GUCY1A2: variants seen among roughly 807,000 people sequenced by gnomAD.
GUCY1A2 encodes guanylate cyclase 1 soluble subunit alpha 2, also known as guanylate cyclase soluble subunit alpha-2.
In GUCY1A2, 27 loss-of-function variants were observed where a neutral mutation model predicts 63.5. The observed-to-expected ratio is 0.43, with a 90% CI of 0.31 to 0.59. GUCY1A2 has a LOEUF of 0.59. Ranked by LOEUF, GUCY1A2 falls within the 20% of genes least tolerant of loss-of-function variation. The pLI is 0.11. For missense variants in GUCY1A2, 768 were observed against 913.3 expected (o/e 0.84, Z 2.05); for synonymous variants, 364 against 343.5 (o/e 1.06, Z -0.66).
intron 4 of GUCY1A2, among the ~76,000 whole-genome samples, chr11:106,935,222 G>A (rs11211982): frequency 0.15 from 23,183 of 152,152 alleles, 2,122 homozygotes; most frequent in South Asian, 0.27. Context: ...GATACCTGGT[G>A]CTTTCATCTA....
chr11:106,726,072 T>C (rs1191098057), intron 6 of GUCY1A2, among the ~76,000 whole-genome samples: 2 of 152,174 alleles, frequency 1.3e-5, no homozygotes, highest in Admixed American at 6.5e-5. Context: ...ACTAAGTATA[T>C]TTTATTTATT....
intron 4 of GUCY1A2, among the ~76,000 whole-genome samples, chr11:106,884,288 T>C (rs1392924079): frequency 6.6e-6 from 1 of 152,110 alleles, no homozygotes; most frequent in Admixed American, 6.6e-5. Context: ...ACAAAGACAG[T>C]GGAATTCTCT....
chr11:106,890,275 A>G (rs1859955870), intron 4 of GUCY1A2, among the ~76,000 whole-genome samples: 1 of 152,178 alleles, frequency 6.6e-6, no homozygotes, highest in Non-Finnish European at 1.5e-5. Flanking sequence ...GTGCACTTGT[A>G]ATTGCATAAC....
intron 3 of GUCY1A2, among the ~76,000 whole-genome samples, chr11:106,960,373 G>GA (rs1861043494): frequency 6.6e-6 from 1 of 152,128 alleles, no homozygotes; most frequent in Non-Finnish European, 1.5e-5. Context: ...TAAGGAATTA[G>GA]AACAGATTAT....
At chr11:106,691,514 CTATAA>C (rs1322647235) in intron 7 of GUCY1A2, among the ~76,000 whole-genome samples, 3 of 152,124 alleles carry the variant, frequency 2.0e-5, no homozygotes, top group Non-Finnish European at 4.4e-5. Flanking sequence ...CTTTGTTTTG[CTATAA>C]TTGAGATTTT....
chr11:106,845,310 T>C (rs1454734953), intron 4 of GUCY1A2, among the ~76,000 whole-genome samples: 1 of 151,504 alleles, frequency 6.6e-6, no homozygotes, highest in Non-Finnish European at 1.5e-5. Flanking sequence ...CATTTTCCAA[T>C]AATAGAGTAG....
At chr11:106,773,392 C>A (rs189115574) in intron 6 of GUCY1A2, among the ~76,000 whole-genome samples, 4 of 152,156 alleles carry the variant, frequency 2.6e-5, no homozygotes, top group Non-Finnish European at 5.9e-5. Flanking sequence ...ATATGGTATA[C>A]CAAGGTATAA....
rs1232734693 is a variant in GUCY1A2, at chr11:106,685,690, T to C, written c.*1859A>G. On this transcript the variant is annotated 3_prime_UTR_variant, in exon 8 of 8. Coordinates refer to ENST00000526355, the MANE Select transcript of GUCY1A2 (RefSeq NM_000855.3). ...GGATTGAGGTGCTCCCAGTCTGCTC[T>C]GCTCATACTGGCTGTAAACCTCCCC... is the stretch of plus-strand genomic sequence containing the variant. 1 of 227,840 alleles carries C rather than the reference T, an allele frequency of 4.4e-6. No homozygotes were observed. Among genetic ancestry groups the C allele is most frequent in the Non-Finnish European group, 8.7e-6 (1 of 114,680 alleles). 14.1% of individuals were successfully genotyped at this position (227,840 alleles called of 1,614,324 possible).
chr11:106,845,300 C>A (rs1859255746), intron 4 of GUCY1A2, among the ~76,000 whole-genome samples: 1 of 151,220 alleles, frequency 6.6e-6, no homozygotes, highest in African/African-American at 2.4e-5. Flanking sequence ...AAAAATGCTC[C>A]ATTTTCCAAT....
At chr11:106,787,800 G>A (rs899416412) in intron 5 of GUCY1A2, among the ~76,000 whole-genome samples, 1 of 151,764 alleles carries the variant, frequency 6.6e-6, no homozygotes, top group African/African-American at 2.4e-5. Context: ...GGACACTTAG[G>A]TTTCTTCCAA....
chr11:106,817,870 G>C (rs1024043561), intron 4 of GUCY1A2, among the ~76,000 whole-genome samples: 30 of 152,202 alleles, frequency 2.0e-4, no homozygotes, highest in African/African-American at 7.2e-4. Flanking sequence ...GTGGAGAAAA[G>C]AGAACCCCTG....
At chr11:106,971,110 T>C (rs557386683) in intron 3 of GUCY1A2, among the ~76,000 whole-genome samples, 1 of 151,818 alleles carries the variant, frequency 6.6e-6, no homozygotes, top group Non-Finnish European at 1.5e-5. Flanking sequence ...TTTAGAAGAG[T>C]GCAAGTATTT....
At chr11:106,839,852 C>A (rs1238361633) in intron 4 of GUCY1A2, among the ~76,000 whole-genome samples, 2 of 118,736 alleles carry the variant, frequency 1.7e-5, no homozygotes, top group African/African-American at 6.8e-5. Context: ...CACACCGGGG[C>A]CTGTTGTGGG....
intron 1 of GUCY1A2, among the ~76,000 whole-genome samples, chr11:107,016,601 C>G (rs141337200): frequency 6.6e-6 from 1 of 152,270 alleles, no homozygotes; most frequent in Admixed American, 6.5e-5. Flanking sequence ...TTTATTCATT[C>G]CACAAATATT....
intron 4 of GUCY1A2, among the ~76,000 whole-genome samples, chr11:106,924,028 A>C (rs1860485716): frequency 6.6e-6 from 1 of 152,214 alleles, no homozygotes; most frequent in Admixed American, 6.5e-5. Context: ...TAAAGCAATC[A>C]AGATGATATT....
At chr11:106,891,891 TA>T (rs1393036302) in intron 4 of GUCY1A2, among the ~76,000 whole-genome samples, 1 of 152,146 alleles carries the variant, frequency 6.6e-6, no homozygotes, top group Non-Finnish European at 1.5e-5. Flanking sequence ...AAGCATTTTG[TA>T]TTCTCATTTA....
chr11:106,681,712 T>C lies in GUCY1A2; in HGVS notation c.*5837A>G, dbSNP rs1199297296. The C allele has an allele frequency of 4.5e-6, 1 of 220,258 alleles. No individual in the cohort carries two copies. The highest frequency in any genetic ancestry group is 9.1e-6 in the Non-Finnish European group (1 of 109,918). 13.6% of individuals were successfully genotyped at this position (220,258 alleles called of 1,614,324 possible). ...TAAAAAGTCCACACCAGCTATATTATTGCTTGTATAAAACATGTTTCTGTT... is the reference window on the plus strand; with the variant it reads ...TAAAAAGTCCACACCAGCTATATTACTGCTTGTATAAAACATGTTTCTGTT... On this transcript the variant is annotated 3_prime_UTR_variant, in exon 8 of 8. Coordinates refer to ENST00000526355, the MANE Select transcript of GUCY1A2 (RefSeq NM_000855.3).
intron 4 of GUCY1A2, among the ~76,000 whole-genome samples, chr11:106,889,896 TA>T (rs1859951519): frequency 1.3e-5 from 2 of 152,174 alleles, no homozygotes; most frequent in African/African-American, 4.8e-5. Flanking sequence ...GATTTTTATT[TA>T]TAATAGAAAA....
At chr11:106,947,932 T>C (rs937146535) in intron 3 of GUCY1A2, among the ~76,000 whole-genome samples, 1 of 151,992 alleles carries the variant, frequency 6.6e-6, no homozygotes, top group Non-Finnish European at 1.5e-5. Context: ...TAGGAATTAA[T>C]AGATAAAAGC....
Sources: gnomAD v4.1 joint callset for allele counts (sites outside exome capture counted in the v4.1 genomes callset) on GRCh38, gnomAD v4.1.1 for gene constraint, MANE v1.5 for transcripts, NCBI Gene and HGNC (gene_info 2026-07-23, HGNC 2026-07-21) for gene names.